CDKL5: variants seen among roughly 807,000 people sequenced by gnomAD.
CDKL5 encodes cyclin dependent kinase like 5.
A neutral mutation model predicts 61.7 loss-of-function variants in CDKL5; 8 were observed. That is an observed-to-expected ratio of 0.13 (90% CI 0.08 to 0.23). CDKL5 has a LOEUF of 0.23. CDKL5 is among the 10% of genes least tolerant of loss of function. The pLI is 1.00. For missense variants in CDKL5, 440 were observed against 734.5 expected, an observed-to-expected ratio of 0.60 and a Z score of 4.63; for synonymous variants, 275 against 272.3, an observed-to-expected ratio of 1.01 and a Z score of -0.10.
chrX:18,445,920 A>G (rs972602875), intron 1 of CDKL5, among the ~76,000 whole-genome samples: 3 of 111,018 alleles, frequency 2.7e-5, no homozygotes, highest in Non-Finnish European at 5.7e-5. Context: ...AATCATTTGC[A>G]TTTGCAGCCC....
intron 1 of CDKL5, among the ~76,000 whole-genome samples, chrX:18,494,806 A>T (rs998336577): frequency 4.5e-5 from 5 of 112,285 alleles, no homozygotes; most frequent in African/African-American, 1.6e-4. Context: ...TATCTGTTTG[A>T]TTTAATAAGG....
chrX:18,560,776 TACACACACACAC>T (rs57724882), intron 3 of CDKL5, among the ~76,000 whole-genome samples: 1 of 104,234 alleles, frequency 9.6e-6, no homozygotes, highest in Non-Finnish European at 2.0e-5. Flanking sequence ...ATTCAAAAAA[TACACACACACAC>T]ACACACACAC....
At chrX:18,576,536 C>G (rs1925301346) in intron 5 of CDKL5, among the ~76,000 whole-genome samples, 1 of 110,829 alleles carries the variant, frequency 9.0e-6, no homozygotes, top group African/African-American at 3.3e-5. Flanking sequence ...TCAACATTGT[C>G]ATAACCAAAT....
intron 3 of CDKL5, among the ~76,000 whole-genome samples, chrX:18,548,219 G>A (rs1172838178): frequency 9.2e-6 from 1 of 109,186 alleles, no homozygotes; most frequent in Non-Finnish European, 1.9e-5. Flanking sequence ...TTTAACAAAG[G>A]CAAAAAGGAA....
chrX:18,637,951 G>A lies in CDKL5; in HGVS notation c.*9194G>A, dbSNP rs1225717981. On this transcript the variant is annotated 3_prime_UTR_variant, in exon 18 of 18. Coordinates refer to ENST00000623535, the MANE Select transcript of CDKL5 (RefSeq NM_001323289.2). ...GATGCACGTAGCCTATTTGATCTTC[G>A]TATCAGCCCTGTAAGGTTGGGCTTA... 3 of 111,628 alleles carry A rather than the reference G, an allele frequency of 2.7e-5. No individual in the cohort carries two copies. The highest frequency in any genetic ancestry group is 6.5e-5 in the African/African-American group (2 of 30,677). 9.2% of individuals were successfully genotyped at this position (111,628 alleles called of 1,213,427 possible). A position where few individuals can be genotyped will look rare whatever the true frequency, so the allele number is the denominator to read the frequency against.
chrX:18,568,719 G>C (rs775989915), intron 4 of CDKL5, among the ~76,000 whole-genome samples: 57 of 110,035 alleles, frequency 5.2e-4, no homozygotes, highest in African/African-American at 1.7e-3. Context: ...TGTGTGACAG[G>C]GTCTTGCTTT....
At chrX:18,561,388 C>T (rs1602261902) in intron 3 of CDKL5, among the ~76,000 whole-genome samples, 1 of 108,496 alleles carries the variant, frequency 9.2e-6, no homozygotes, top group South Asian at 3.9e-4. Context: ...ATGTATAAAC[C>T]ATACAAGAAA....
chrX:18,589,615 CTT>C (rs779457728), intron 9 of CDKL5: 1 of 111,791 alleles, frequency 8.9e-6, no homozygotes, highest in African/African-American at 3.3e-5. Context: ...GTGCATGTGT[CTT>C]TATAGCAGCA....
At position 18,513,859 on chromosome X, in the gene CDKL5, CATATT is replaced by C. The variant is rs752889748; in HGVS notation, c.99+3009_99+3013del. ...CAAACAAATGGATTATTATGAAACT[CATATT>C]ATAATTAAAAATGTATGTAATCTTC... On this transcript the variant is annotated intron_variant, in intron 3 of 17. Transcript: ENST00000623535. Among the ~76,000 whole-genome samples the C allele has an allele frequency of 1.7e-3, 195 of 111,572 alleles. 1 individual carries two copies. The highest frequency in any genetic ancestry group is 5.8e-3 in the African/African-American group (180 of 30,810).
At chrX:18,589,923 C>A (rs1393334612) in intron 9 of CDKL5, 5 of 112,731 alleles carry the variant, frequency 4.4e-5, no homozygotes, top group Non-Finnish European at 5.6e-5. Context: ...CTGTTGGCTG[C>A]ATAAATGTCT....
chrX:18,645,742 AAAAT>A (rs1207615573), intron 19 of CDKL5, among the ~76,000 whole-genome samples: 1 of 111,178 alleles, frequency 9.0e-6, no homozygotes, highest in Non-Finnish European at 1.9e-5. Flanking sequence ...TCTTCGACTT[AAAAT>A]ATTTATCCGG....
At chrX:18,572,462 G>T in intron 4 of CDKL5, among the ~76,000 whole-genome samples, 1 of 112,217 alleles carries the variant, frequency 8.9e-6, no homozygotes. Context: ...TTAGGTATTT[G>T]TGTGCATGTA....
At chrX:18,652,692 T>A (rs1007564010) in intron 21 of CDKL5, among the ~76,000 whole-genome samples, 1 of 111,354 alleles carries the variant, frequency 9.0e-6, no homozygotes, top group African/African-American at 3.3e-5. Context: ...AAGGGGATCC[T>A]TATCAGACAC....
rs142949334 is a variant in CDKL5 at position 18,650,771 on chromosome X, G to A, written c.2980+179G>A. Among the ~76,000 whole-genome samples, 728 of 112,611 alleles carry A rather than the reference G, an allele frequency of 6.5e-3. 2 individuals carry two copies. The highest frequency in any genetic ancestry group is 0.022 in the African/African-American group (669 of 31,013). On this transcript the variant is annotated intron_variant, in intron 21 of 21. Coordinates refer to the CDKL5 transcript ENST00000379989. The stretch of plus-strand genomic sequence containing the variant: ...GGCAGTCAAGGTCAAGCAGGCCTGC[G>A]TCCAGCCAATGACACCTGGGGTAGG...
intron 1 of CDKL5, among the ~76,000 whole-genome samples, chrX:18,425,978 G>T (rs1931354587): frequency 8.9e-6 from 1 of 112,067 alleles, no homozygotes; most frequent in African/African-American, 3.2e-5. Flanking sequence ...AAAGAGGGGC[G>T]GCGGGTCGAG....
At chrX:18,559,637 TTTA>T (rs1293162089) in intron 3 of CDKL5, among the ~76,000 whole-genome samples, 1 of 109,209 alleles carries the variant, frequency 9.2e-6, no homozygotes, top group African/African-American at 3.3e-5. Flanking sequence ...TTTTTTTCTT[TTTA>T]TTATTATTAT....
At position 18,604,388 on chromosome X, in the gene CDKL5, C is replaced by T. The variant is rs1926281736; in HGVS notation, c.1464C>T (p.Ser488=). 2 of 1,210,486 alleles carry T rather than the reference C, an allele frequency of 1.7e-6. No homozygotes were observed. Among genetic ancestry groups the T allele is most frequent in the East Asian group, 5.9e-5 (2 of 33,799 alleles). ...CCTCCTACAGGACCAAGGCCAAAAG[C>T]CATGGGGCACTGAGTGACTCCAAGT... is the stretch of plus-strand genomic sequence containing the variant. ...RSPSYRTKAK[S]HGALSDSKSV... is the part of the protein sequence containing the mutation. The change falls in exon 12 of 18, where the codon AGC becomes AGT. Residue 488 remains serine (S), a synonymous_variant. Coordinates refer to ENST00000623535, the MANE Select transcript of CDKL5 (RefSeq NM_001323289.2).
At chrX:18,601,734 T>C (rs1020681300) in intron 11 of CDKL5, among the ~76,000 whole-genome samples, 1 of 112,263 alleles carries the variant, frequency 8.9e-6, no homozygotes, top group Non-Finnish European at 1.9e-5. Flanking sequence ...GAATTGTCTC[T>C]TACGTTGCTC....
At chrX:18,650,933 A>G (rs1928001829) in intron 21 of CDKL5, among the ~76,000 whole-genome samples, 1 of 111,987 alleles carries the variant, frequency 8.9e-6, no homozygotes, top group South Asian at 3.7e-4. Flanking sequence ...CTATTTGGAG[A>G]TTGTAGAGTT....
Sources: gnomAD v4.1 joint callset for allele counts (sites outside exome capture counted in the v4.1 genomes callset) on GRCh38, gnomAD v4.1.1 for gene constraint, MANE v1.5 for transcripts, NCBI Gene and HGNC (gene_info 2026-07-23, HGNC 2026-07-21) for gene names.